Variants in LIN52 observed in about 807,000 individuals in gnomAD.
The protein encoded by LIN52 is lin-52 DREAM MuvB core complex component, also known as protein lin-52 homolog.
A neutral mutation model predicts 18.5 loss-of-function variants in LIN52; 4 were observed. The ratio of observed to expected loss-of-function variants is 0.22; its 90% CI spans 0.11 to 0.49. The LOEUF (loss-of-function observed/expected upper bound fraction) is 0.49. Among genes scored for constraint, LIN52 ranks in the 20% least tolerant of loss-of-function variants. The pLI is 0.97. For missense variants in LIN52, 102 were observed against 139.5 expected (o/e 0.73, Z 1.35); for synonymous variants, 34 against 45.5 (o/e 0.75, Z 1.02).
intron 5 of LIN52, among the ~76,000 whole-genome samples, chr14:74,156,979 T>G (rs2139561042): frequency 6.6e-6 from 1 of 152,282 alleles, no homozygotes; most frequent in Middle Eastern, 3.4e-3. Context: ...CCAAATTTCA[T>G]TCTTTTGTAT....
At chr14:74,141,483 T>TA (rs1659901029) in intron 5 of LIN52, among the ~76,000 whole-genome samples, 1 of 152,228 alleles carries the variant, frequency 6.6e-6, no homozygotes, top group African/African-American at 2.4e-5. Context: ...TTGGACCTTA[T>TA]AAATGAAGCC....
chr14:74,137,147 T>C (rs1223005466), intron 5 of LIN52, among the ~76,000 whole-genome samples: 2 of 131,676 alleles, frequency 1.5e-5, no homozygotes, highest in African/African-American at 5.6e-5. Context: ...GTGTATATTT[T>C]ATATATGAAT....
At chr14:74,085,632 G>A (rs2060723368) in intron 1 of LIN52, 1 of 152,154 alleles carries the variant, frequency 6.6e-6, no homozygotes, top group African/African-American at 2.4e-5. Context: ...TGCTTTACGT[G>A]TTGTTTCTTA....
In LIN52 at chr14:74,122,071, G is replaced by A. The variant is rs529251097; in HGVS notation, c.283+20833G>A. Among the ~76,000 whole-genome samples the A allele has an allele frequency of 3.3e-5, 5 of 152,310 alleles. 1 individual carries two copies. The South Asian group carries it at 1.0e-3, about 32-fold the overall frequency. ...ACTAGTAATGTAGTATTTTATTTCT[G>A]AGATGCTACAGCTTTGACATTATTA... is the stretch of plus-strand genomic sequence containing the variant. On this transcript the variant is annotated intron_variant, in intron 5 of 5. Coordinates refer to ENST00000555028, the MANE Select transcript of LIN52 (RefSeq NM_001024674.3).
At chr14:74,089,381 T>G (rs2060756831) in intron 1 of LIN52, among the ~76,000 whole-genome samples, 2 of 151,676 alleles carry the variant, frequency 1.3e-5, no homozygotes, top group South Asian at 4.2e-4. Flanking sequence ...TTTTTTTTTT[T>G]TTTTTGAGAC....
chr14:74,141,588 A>G (rs1221920216), intron 5 of LIN52, among the ~76,000 whole-genome samples: 2 of 152,192 alleles, frequency 1.3e-5, no homozygotes, highest in African/African-American at 4.8e-5. Context: ...GGAATGTTAC[A>G]TTTTAGTCCA....
chr14:74,128,943 AAAAACAAAAC>A (rs373110592), intron 5 of LIN52, among the ~76,000 whole-genome samples: 2 of 152,198 alleles, frequency 1.3e-5, no homozygotes, highest in African/African-American at 2.4e-5. Flanking sequence ...CTCTGTCTAA[AAAAACAAAAC>A]AAAACAAAAC....
chr14:74,095,938 TTC>T lies in LIN52; in HGVS notation c.95-8_95-7del, dbSNP rs1370619055. On this transcript the variant is annotated splice_region_variant and splice_polypyrimidine_tract_variant and intron_variant, in intron 2 of 5. Transcript: ENST00000555028. Reference sequence around the variant, plus strand: ...TTATTGAATAAATAAAGTTTTGTTTTTCTTTTTAGTACCAGGTGTTGCTGAAT... The same window carrying T: ...TTATTGAATAAATAAAGTTTTGTTTTTTTTTAGTACCAGGTGTTGCTGAAT... The T allele has an allele frequency of 1.3e-6, 2 of 1,598,266 alleles. No homozygotes were observed. Among genetic ancestry groups the T allele is most frequent in the South Asian group, 2.2e-5 (2 of 89,592 alleles).
At chr14:74,160,371 T>C (rs1289305984) in intron 5 of LIN52, among the ~76,000 whole-genome samples, 1 of 152,076 alleles carries the variant, frequency 6.6e-6, no homozygotes, top group Non-Finnish European at 1.5e-5. Context: ...TGGGCCCAAA[T>C]ACCCTTCTCT....
At chr14:74,180,191 A>G (rs2358631) in intron 5 of LIN52, among the ~76,000 whole-genome samples, 19,603 of 151,646 alleles carry the variant, frequency 0.13, 1,941 homozygotes, top group East Asian at 0.58. Flanking sequence ...AAAGCTCTCT[A>G]CCTGCATAGT....
At chr14:74,152,025 G>C (rs1301860417) in intron 5 of LIN52, among the ~76,000 whole-genome samples, 1 of 152,142 alleles carries the variant, frequency 6.6e-6, no homozygotes, top group Non-Finnish European at 1.5e-5. Context: ...GGGAGGCTGA[G>C]GTGGGCGAAT....
rs530671505 is a variant in LIN52, at chr14:74,158,274, G to A, written c.284-40648G>A. ...GATTACAGGTGCGCGTCACATGCCC[G>A]GCTAATTTTTGTATTTTTAGTAGAG... On this transcript the variant is annotated intron_variant, in intron 5 of 5. Transcript: ENST00000555028. Among the ~76,000 whole-genome samples, 35 of 151,346 alleles carry A rather than the reference G, an allele frequency of 2.3e-4. No individual in the cohort carries two copies. The South Asian group carries it at 6.7e-3, about 29-fold the overall frequency.
At chr14:74,111,657 G>A (rs1013997963) in intron 5 of LIN52, among the ~76,000 whole-genome samples, 1 of 134,408 alleles carries the variant, frequency 7.4e-6, no homozygotes, top group East Asian at 2.6e-4. Context: ...TATTTTTGTG[G>A]GCTGACATCA....
At chr14:74,089,439 G>A (rs992796231) in intron 1 of LIN52, among the ~76,000 whole-genome samples, 10 of 150,434 alleles carry the variant, frequency 6.6e-5, no homozygotes, top group Non-Finnish European at 1.5e-4. Context: ...TGTGACCTTA[G>A]CTAACTGCAG....
In LIN52 at chr14:74,200,104, T is replaced by G. The variant is rs1019446313; in HGVS notation, c.*1127T>G. 2 of 151,548 alleles carry G rather than the reference T, an allele frequency of 1.3e-5. No homozygotes were observed. The highest frequency in any genetic ancestry group is 4.8e-5 in the African/African-American group (2 of 41,254). The allele number at this position is 151,548 out of a possible 1,614,324, so 9.4% of individuals were successfully genotyped here. ...TGATGTTTTGAGAAGTGCATGGAGTTTCCTAAACTTTGCACAAAAGAATAT... is the reference window on the plus strand; with the variant it reads ...TGATGTTTTGAGAAGTGCATGGAGTGTCCTAAACTTTGCACAAAAGAATAT... On this transcript the variant is annotated 3_prime_UTR_variant, in exon 6 of 6. Coordinates refer to ENST00000555028, the MANE Select transcript of LIN52 (RefSeq NM_001024674.3).
chr14:74,101,300 T>C, intron 5 of LIN52, 62 bp downstream of exon 5: 1 of 1,136,486 alleles, frequency 8.8e-7, no homozygotes. Context: ...TATTCCACCC[T>C]GAGCTCAGGT....
intron 5 of LIN52, among the ~76,000 whole-genome samples, chr14:74,119,844 T>TC (rs2060989112): frequency 6.6e-6 from 1 of 151,878 alleles, no homozygotes; most frequent in Admixed American, 6.6e-5. Context: ...TTCTTTTTTT[T>TC]TTTTTTTTTA....
intron 5 of LIN52, among the ~76,000 whole-genome samples, chr14:74,186,654 T>C (rs1187026403): frequency 6.6e-6 from 1 of 151,892 alleles, no homozygotes; most frequent in African/African-American, 2.4e-5. Flanking sequence ...AAAAAGTTAA[T>C]TTCAGATTTT....
At chr14:74,147,137 A>T (rs2061155353) in intron 5 of LIN52, among the ~76,000 whole-genome samples, 1 of 152,166 alleles carries the variant, frequency 6.6e-6, no homozygotes, top group South Asian at 2.1e-4. Flanking sequence ...GCACCCCTGT[A>T]ATCCCAGCTA....
Sources: gnomAD v4.1 joint callset for allele counts (sites outside exome capture counted in the v4.1 genomes callset) on GRCh38, gnomAD v4.1.1 for gene constraint, MANE v1.5 for transcripts, NCBI Gene and HGNC (gene_info 2026-07-23, HGNC 2026-07-21) for gene names.